C1D: variants seen among roughly 807,000 people sequenced by gnomAD.
The protein encoded by C1D is nuclear nucleic acid-binding protein C1D.
C1D carries 10 observed loss-of-function variants against 17.5 expected under a neutral mutation model. That is an observed-to-expected ratio of 0.57 (90% CI 0.35 to 0.97). The LOEUF is 0.97. Ranked by LOEUF, C1D falls within the 50% of genes least tolerant of loss-of-function variation. C1D has a pLI of 0.01. For missense variants in C1D, 136 were observed against 160.1 expected, an observed-to-expected ratio of 0.85 and a Z score of 0.81; for synonymous variants, 49 against 54.0, an observed-to-expected ratio of 0.91 and a Z score of 0.40.
intron 3 of C1D, 53 bp downstream of exon 3, chr2:68,046,290 CT>C (rs1232507871): frequency 7.8e-7 from 1 of 1,288,362 alleles, no homozygotes; most frequent in African/African-American, 1.5e-5. Flanking sequence ...AATAAATCAT[CT>C]TTCACACAAT....
At chr2:68,045,290 CAATT>C (rs757571859) in intron 4 of C1D, among the ~76,000 whole-genome samples, 5 of 152,102 alleles carry the variant, frequency 3.3e-5, no homozygotes, top group Non-Finnish European at 7.4e-5. Context: ...CACAAAGAAT[CAATT>C]TATTAATATT....
intron 4 of C1D, among the ~76,000 whole-genome samples, chr2:68,044,536 G>C (rs974598537): frequency 6.6e-6 from 1 of 151,810 alleles, no homozygotes; most frequent in Non-Finnish European, 1.5e-5. Flanking sequence ...GTGAAACCCC[G>C]TCTCTACTGA....
intron 4 of C1D, among the ~76,000 whole-genome samples, chr2:68,045,069 TC>T (rs1005551887): frequency 4.6e-5 from 7 of 151,912 alleles, no homozygotes; most frequent in Non-Finnish European, 8.8e-5. Context: ...AAATTTATTT[TC>T]CCCCCCAAGA....
intron 1 of C1D, among the ~76,000 whole-genome samples, chr2:68,060,085 C>T (rs1671575080): frequency 1.3e-5 from 2 of 152,222 alleles, no homozygotes; most frequent in South Asian, 4.1e-4. Context: ...TGGCAATTCC[C>T]TTCTTCTAGT....
Position 68,042,562 on chromosome 2 carries a change from A to C in C1D, c.*327T>G. 5.6e-6 allele frequency: 1 copy of C among 179,100 alleles called. No homozygotes were observed. Among genetic ancestry groups the C allele is most frequent in the Non-Finnish European group, 1.2e-5 (1 of 83,732 alleles). 11.1% of individuals were successfully genotyped at this position (179,100 alleles called of 1,614,324 possible). A position where few individuals can be genotyped will look rare whatever the true frequency, so the allele number is the denominator to read the frequency against. On this transcript the variant is annotated 3_prime_UTR_variant, in exon 5 of 5. Transcript: ENST00000410067. ...GGTCATTATTCATTTAAAATAGTAC[A>C]AATGTTTACAAAGAACATTTCACTT...
intron 1 of C1D, among the ~76,000 whole-genome samples, chr2:68,062,190 C>A (rs1416803899): frequency 6.6e-6 from 1 of 152,152 alleles, no homozygotes; most frequent in African/African-American, 2.4e-5. Flanking sequence ...TATGTACCCA[C>A]AAAATTTTTA....
intron 4 of C1D, among the ~76,000 whole-genome samples, chr2:68,044,006 A>G (rs1671046064): frequency 6.6e-6 from 1 of 152,130 alleles, no homozygotes; most frequent in African/African-American, 2.4e-5. Flanking sequence ...TATTTCCTCA[A>G]TTACCCATAC....
chr2:68,046,138 C>T (rs1246783251), intron 3 of C1D, 95 bp from the exon 4 acceptor site: 1 of 948,146 alleles, frequency 1.1e-6, no homozygotes, highest in Non-Finnish European at 1.6e-6. Context: ...AAGGAAAGTC[C>T]TACAAACAAT....
intron 4 of C1D, 72 bp downstream of exon 4, chr2:68,045,916 G>A: frequency 9.9e-7 from 1 of 1,011,572 alleles, no homozygotes; most frequent in Non-Finnish European, 1.5e-6. Context: ...TAATTTGTGT[G>A]ACAAAGGTAG....
chr2:68,045,065 AT>A (rs1671080719), intron 4 of C1D, among the ~76,000 whole-genome samples: 1 of 152,110 alleles, frequency 6.6e-6, no homozygotes, highest in South Asian at 2.1e-4. Flanking sequence ...AAATAAATTT[AT>A]TTTCCCCCCC....
chr2:68,061,136 G>A (rs1413084919), intron 1 of C1D, among the ~76,000 whole-genome samples: 1 of 152,134 alleles, frequency 6.6e-6, no homozygotes, highest in African/African-American at 2.4e-5. Flanking sequence ...TGGAATTTGA[G>A]AGCCATTTGC....
At chr2:68,062,345 T>C (rs1169454581) in intron 1 of C1D, among the ~76,000 whole-genome samples, 2 of 152,040 alleles carry the variant, frequency 1.3e-5, no homozygotes, top group South Asian at 4.1e-4. Context: ...TCAGCAAACA[T>C]TGAGGACATT....
At chr2:68,052,955 C>A in intron 1 of C1D, 2 of 1,416,816 alleles carry the variant, frequency 1.4e-6, no homozygotes, top group Non-Finnish European at 1.9e-6. Flanking sequence ...ATTCCACATG[C>A]ACTTGTTCAT....
rs1671004937 is a variant in C1D at position 68,042,843 on chromosome 2, G to GGT, written c.*45_*46insAC. 3.5e-6 allele frequency: 1 copy of GGT among 288,242 alleles called. No homozygotes were observed. The highest frequency in any genetic ancestry group is 6.1e-6 in the Non-Finnish European group (1 of 164,810). The allele number at this position is 288,242 out of a possible 1,614,324, so 17.9% of individuals were successfully genotyped here. A position where few individuals can be genotyped will look rare whatever the true frequency, so the allele number is the denominator to read the frequency against. ...AATTATTTTGCGGGGGGGGGGGGGG[G>GGT]GGGGAAGATGTACTTTTTGAATATG... is the stretch of plus-strand genomic sequence containing the variant. On this transcript the variant is annotated 3_prime_UTR_variant, in exon 5 of 5. Coordinates refer to ENST00000410067, the MANE Select transcript of C1D (RefSeq NM_173177.3).
intron 1 of C1D, among the ~76,000 whole-genome samples, chr2:68,058,703 T>A (rs1671512729): frequency 6.6e-6 from 1 of 152,208 alleles, no homozygotes; most frequent in African/African-American, 2.4e-5. Context: ...TGTTCCTCCC[T>A]GAAAATCTAT....
At chr2:68,051,250 G>A (rs1671273203) in intron 1 of C1D, among the ~76,000 whole-genome samples, 1 of 152,154 alleles carries the variant, frequency 6.6e-6, no homozygotes, top group African/African-American at 2.4e-5. Context: ...CCGGCCTGGT[G>A]GCTCATGCCT....
chr2:68,043,117 T>C, intron 4 of C1D, 64 bp from the exon 5 acceptor site: 2 of 1,236,460 alleles, frequency 1.6e-6, no homozygotes, highest in Non-Finnish European at 2.3e-6. Context: ...AATTTTATTA[T>C]ACTGTACACC....
At chr2:68,044,440 G>T (rs541466215) in intron 4 of C1D, among the ~76,000 whole-genome samples, 1 of 152,354 alleles carries the variant, frequency 6.6e-6, no homozygotes, top group South Asian at 2.1e-4. Flanking sequence ...CAGAAAAGGG[G>T]AACAGGCTCT....
rs1238516862 is a variant in C1D at position 68,041,703 on chromosome 2, C to T, written c.*1186G>A. The T allele has an allele frequency of 6.6e-6, 1 of 151,846 alleles. No individual in the cohort carries two copies. The highest frequency in any genetic ancestry group is 1.5e-5 in the Non-Finnish European group (1 of 67,826). The allele number at this position is 151,846 out of a possible 1,614,324, so 9.4% of individuals were successfully genotyped here. On this transcript the variant is annotated 3_prime_UTR_variant, in exon 5 of 5. Coordinates refer to ENST00000410067, the MANE Select transcript of C1D (RefSeq NM_173177.3). ...ATCTGCTATCATAAATCAAGAAATC[C>T]ATTTATTCAAGGTTACTTATGGAGA...
Sources: allele counts gnomAD v4.1 joint callset (sites outside exome capture counted in the v4.1 genomes callset), GRCh38; gene constraint gnomAD v4.1.1; transcripts MANE v1.5; gene names NCBI Gene and HGNC (gene_info 2026-07-23, HGNC 2026-07-21).